The following SULT2A1 variants were observed in gnomAD, a reference collection of about 807,000 sequenced individuals.
The protein encoded by SULT2A1 is sulfotransferase 2A1.
A neutral mutation model predicts 33.9 loss-of-function variants in SULT2A1; 43 were observed. The observed-to-expected ratio is 1.27, with a 90% CI of 1.00 to 1.64. The LOEUF is 1.64. Among genes scored for constraint, SULT2A1 ranks in the 40% most tolerant of loss-of-function variants. SULT2A1 has a pLI of 0.00. For missense variants in SULT2A1, 300 were observed against 335.1 expected (o/e 0.90, Z 0.82); for synonymous variants, 125 against 113.6 (o/e 1.10, Z -0.64).
At chr19:47,879,257 G>C in intron 3 of SULT2A1, 127 bp from the exon 4 acceptor site, 1 of 662,974 alleles carries the variant, frequency 1.5e-6, no homozygotes, top group Non-Finnish European at 2.7e-6. Flanking sequence ...ATGAAACTTG[G>C]TCGAAGGGGA....
rs1481416290 is a variant in SULT2A1, at chr19:47,886,132, G to T, written c.126C>A (p.Tyr42Ter). 1.2e-6 allele frequency: 2 copies of T among 1,613,872 alleles called. No homozygotes were observed. The highest frequency in any genetic ancestry group is 1.7e-4 in the Middle Eastern group (1 of 6,060). Residue 42 changes from tyrosine (Y) to a stop codon, truncating the protein, a stop_gained, in exon 1 of 6, where the codon TAC becomes TAA. Transcript: ENST00000222002. LOFTEE classifies it high-confidence loss of function. ...IRDEDVIILT[Y>*]PKSGTNWLAE... Reference sequence around the variant, plus strand: ...ATTCTGCCTCCTTACCTGATTTGGGGTAAGTCAATATTATTACATCTTCAT... The same window carrying T: ...ATTCTGCCTCCTTACCTGATTTGGGTTAAGTCAATATTATTACATCTTCAT...
In SULT2A1 at chr19:47,884,799, AACC is replaced by A. The variant is rs533539841; in HGVS notation, c.137-1017_137-1015del. On this transcript the variant is annotated intron_variant, in intron 1 of 5. Transcript: ENST00000222002. ...GCGTGAGCCACTGCAGCCAGCTCTC[AACC>A]ACTTTTTTTTTTTTTTTTTTTTTTT... Among the ~76,000 whole-genome samples the A allele has an allele frequency of 2.5e-3, 346 of 135,704 alleles. 5 individuals carry two copies. The highest frequency in any genetic ancestry group is 9.4e-3 in the African/African-American group (332 of 35,206). 89.0% of individuals were successfully genotyped at this position (135,704 alleles called of 152,430 possible). A position where few individuals can be genotyped will look rare whatever the true frequency, so the allele number is the denominator to read the frequency against.
intron 1 of SULT2A1, among the ~76,000 whole-genome samples, chr19:47,885,731 T>C (rs1318065678): frequency 1.3e-5 from 2 of 152,224 alleles, no homozygotes; most frequent in Admixed American, 1.3e-4. Flanking sequence ...GCCATTGCCC[T>C]GATGATTCTC....
intron 1 of SULT2A1, among the ~76,000 whole-genome samples, chr19:47,884,805 T>A (rs868782770): frequency 5.3e-5 from 1 of 18,966 alleles, no homozygotes; most frequent in Non-Finnish European, 9.9e-5. Context: ...TCTCAACCAC[T>A]TTTTTTTTTT....
At position 47,874,667 on chromosome 19, in the gene SULT2A1, A is replaced by T; in HGVS notation, c.735T>A (p.Leu245=). ...SVDYVVDKAQ[L]LRKGVSGDWK... ...AGGATTTTCTTTTACCTTTTCTCAG[A>T]AGTTGTGCTTTGTCCACTACATAAT... The change falls in exon 5 of 6, where the codon CTT becomes CTA. Residue 245 remains leucine (L), a synonymous_variant. Coordinates refer to ENST00000222002, the MANE Select transcript of SULT2A1 (RefSeq NM_003167.4). 2.5e-6 allele frequency: 4 copies of T among 1,611,916 alleles called. No individual in the cohort carries two copies. Among genetic ancestry groups the T allele is most frequent in the Non-Finnish European group, 3.4e-6 (4 of 1,179,372 alleles).
chr19:47,872,598 G>T (rs544487942), intron 5 of SULT2A1, among the ~76,000 whole-genome samples: 15 of 152,016 alleles, frequency 9.9e-5, no homozygotes, highest in Admixed American at 8.5e-4. Context: ...TCTCAGCGAG[G>T]TTCTCTCTCA....
chr19:47,882,040 G>A (rs769579761), intron 3 of SULT2A1, 44 bp downstream of exon 3: 8 of 1,605,880 alleles, frequency 5.0e-6, no homozygotes, highest in East Asian at 2.2e-5. Context: ...AAAAGAGGTC[G>A]GCTAGAAGAC....
intron 5 of SULT2A1, among the ~76,000 whole-genome samples, chr19:47,872,297 T>A (rs1968500433): frequency 6.6e-6 from 1 of 152,142 alleles, no homozygotes; most frequent in Admixed American, 6.6e-5. Context: ...ATGCCACTTC[T>A]CTGCTCAGAT....
intron 1 of SULT2A1, among the ~76,000 whole-genome samples, chr19:47,885,140 TAGTGTTA>T (rs1040247215): frequency 7.2e-5 from 11 of 152,146 alleles, no homozygotes; most frequent in South Asian, 6.2e-4. Context: ...TACGGTTTCG[TAGTGTTA>T]AGTGTTAAGT....
intron 4 of SULT2A1, among the ~76,000 whole-genome samples, chr19:47,877,658 T>A (rs62531005): frequency 0.016 from 2,393 of 151,166 alleles, 61 homozygotes; most frequent in African/African-American, 0.053. Flanking sequence ...CAAGTGATTC[T>A]CCTACCTCAG....
chr19:47,875,742 T>C (rs147852846), intron 4 of SULT2A1, among the ~76,000 whole-genome samples: 52 of 152,260 alleles, frequency 3.4e-4, no homozygotes, highest in African/African-American at 1.2e-3. Context: ...TTAGGACAAC[T>C]TAACAGTAAA....
intron 1 of SULT2A1, 111 bp downstream of exon 1, chr19:47,886,011 T>TC: frequency 2.2e-6 from 3 of 1,336,524 alleles, no homozygotes; most frequent in Non-Finnish European, 3.1e-6. Flanking sequence ...ATTCCTCTCT[T>TC]CCCCTTAAAG....
At chr19:47,882,301 G>A (rs1171984559) in intron 2 of SULT2A1, 91 bp from the exon 3 acceptor site, 22 of 1,451,156 alleles carry the variant, frequency 1.5e-5, no homozygotes, top group Non-Finnish European at 2.0e-5. Flanking sequence ...GCCAATTCCT[G>A]GATAATGCCT....
Position 47,871,391 on chromosome 19 carries a change from G to T in SULT2A1, c.*64C>A. On this transcript the variant is annotated 3_prime_UTR_variant, in exon 6 of 6. Coordinates refer to ENST00000222002, the MANE Select transcript of SULT2A1 (RefSeq NM_003167.4). ...AGTCTTACACAATGACCCCAGTCAG[G>T]TACATGTACAAGGACAGGAGAATCA... 2 of 1,194,638 alleles carry T rather than the reference G, an allele frequency of 1.7e-6. No homozygotes were observed. Among genetic ancestry groups the T allele is most frequent in the Non-Finnish European group, 2.5e-6 (2 of 799,560 alleles). 74.0% of individuals were successfully genotyped at this position (1,194,638 alleles called of 1,614,324 possible).
chr19:47,880,252 A>AAAC (rs1968590358), intron 3 of SULT2A1, among the ~76,000 whole-genome samples: 1 of 150,800 alleles, frequency 6.6e-6, no homozygotes, highest in Non-Finnish European at 1.5e-5. Context: ...AAAAAAAAAA[A>AAAC]AAAAAACCTG....
chr19:47,883,196 C>G (rs886622803), intron 2 of SULT2A1, among the ~76,000 whole-genome samples: 1 of 151,962 alleles, frequency 6.6e-6, no homozygotes, highest in Non-Finnish European at 1.5e-5. Flanking sequence ...ACCTCTGTGT[C>G]TTTTCTGTGG....
chr19:47,875,687 AC>A (rs1457461808), intron 4 of SULT2A1, among the ~76,000 whole-genome samples: 1 of 152,088 alleles, frequency 6.6e-6, no homozygotes, highest in Non-Finnish European at 1.5e-5. Flanking sequence ...CCAGAAAACC[AC>A]AAAAGATGCA....
chr19:47,873,773 G>A (rs1018722662), intron 5 of SULT2A1, among the ~76,000 whole-genome samples: 11 of 151,584 alleles, frequency 7.3e-5, no homozygotes, highest in African/African-American at 2.7e-4. Context: ...ACAGGCACCC[G>A]CCACCATGCC....
At chr19:47,881,880 G>C (rs1427114135) in intron 3 of SULT2A1, among the ~76,000 whole-genome samples, 1 of 152,002 alleles carries the variant, frequency 6.6e-6, no homozygotes, top group Admixed American at 6.6e-5. Flanking sequence ...AAAATAGCTA[G>C]GATGGTTTAT....
Sources: allele counts gnomAD v4.1 joint callset (sites outside exome capture counted in the v4.1 genomes callset), GRCh38; gene constraint gnomAD v4.1.1; transcripts MANE v1.5; gene names NCBI Gene and HGNC (gene_info 2026-07-23, HGNC 2026-07-21).